CALCR: variants seen among roughly 807,000 people sequenced by gnomAD.
CALCR encodes the protein calcitonin receptor.
CALCR carries 47 observed loss-of-function variants against 59.5 expected under a neutral mutation model. The observed-to-expected ratio is 0.79, with a 90% CI of 0.63 to 1.01. The LOEUF is 1.01. Among genes scored for constraint, CALCR ranks in the 50% least tolerant of loss-of-function variants. CALCR has a pLI of 0.00. For missense variants in CALCR, 566 were observed against 597.1 expected, an observed-to-expected ratio of 0.95 and a Z score of 0.54; for synonymous variants, 213 against 211.3, an observed-to-expected ratio of 1.01 and a Z score of -0.07.
At chr7:93,525,324 CAG>C (rs1238674352) in intron 2 of CALCR, among the ~76,000 whole-genome samples, 1 of 152,076 alleles carries the variant, frequency 6.6e-6, no homozygotes, top group Admixed American at 6.6e-5. Context: ...ATTTTTTTGA[CAG>C]AGTCTGGCTT....
At chr7:93,496,521 C>G (rs141404365) in intron 2 of CALCR, among the ~76,000 whole-genome samples, 5 of 151,636 alleles carry the variant, frequency 3.3e-5, no homozygotes, top group African/African-American at 1.2e-4. Flanking sequence ...TCTCTTTCCC[C>G]TTCATGAAGC....
chr7:93,473,580 GCCC>G (rs368362442), intron 5 of CALCR, among the ~76,000 whole-genome samples: 11 of 139,698 alleles, frequency 7.9e-5, no homozygotes, highest in African/African-American at 1.3e-4. Flanking sequence ...CACTGGTTTG[GCCC>G]CCCCCCCTTT....
intron 11 of CALCR, among the ~76,000 whole-genome samples, chr7:93,436,428 T>C (rs1421205195): frequency 1.3e-5 from 2 of 152,184 alleles, no homozygotes; most frequent in Non-Finnish European, 2.9e-5. Context: ...ATGAACACTC[T>C]TTTTAATATG....
At chr7:93,465,914 T>C (rs1223893809) in intron 7 of CALCR, among the ~76,000 whole-genome samples, 1 of 151,110 alleles carries the variant, frequency 6.6e-6, no homozygotes, top group African/African-American at 2.5e-5. Context: ...TCAGTGACTT[T>C]AAATTTCTCT....
In CALCR at chr7:93,551,775, A is replaced by G. The variant is rs930205398; in HGVS notation, c.-27+22514T>C. Among the ~76,000 whole-genome samples the G allele has an allele frequency of 2.6e-5, 4 of 152,106 alleles. No individual in the cohort carries two copies. In the East Asian group the frequency reaches 5.8e-4, roughly 22 times the overall value. The stretch of plus-strand genomic sequence containing the variant: ...GACTGTAGGAGTCAAATTCTGCAGT[A>G]TTTTGCTTTATTTTACAGATAACAC... On this transcript the variant is annotated intron_variant, in intron 2 of 13. Transcript: ENST00000426151.
intron 13 of CALCR, among the ~76,000 whole-genome samples, chr7:93,432,338 C>T (rs924481426): frequency 4.6e-5 from 7 of 152,152 alleles, no homozygotes; most frequent in Non-Finnish European, 1.0e-4. Context: ...TTAGATGCAG[C>T]TGGAAATAAC....
At chr7:93,568,836 T>C (rs1403589098) in intron 2 of CALCR, among the ~76,000 whole-genome samples, 1 of 152,136 alleles carries the variant, frequency 6.6e-6, no homozygotes, top group African/African-American at 2.4e-5. Context: ...AATTTCTATA[T>C]GCACTTCTAC....
chr7:93,537,438 A>G (rs1485947928), intron 2 of CALCR, among the ~76,000 whole-genome samples: 1 of 151,694 alleles, frequency 6.6e-6, no homozygotes, highest in Admixed American at 6.6e-5. Context: ...ATGTCTCCCG[A>G]TGTTATTTTT....
intron 7 of CALCR, 84 bp downstream of exon 7, chr7:93,468,631 C>A: frequency 3.4e-6 from 3 of 888,844 alleles, no homozygotes. Flanking sequence ...AAGACCCTTC[C>A]CCACCTCCAC....
chr7:93,449,934 C>T (rs148687531), intron 8 of CALCR, among the ~76,000 whole-genome samples: 2 of 152,012 alleles, frequency 1.3e-5, no homozygotes, highest in African/African-American at 4.8e-5. Context: ...TTATCCCCTG[C>T]AGTCTTGGTC....
intron 2 of CALCR, among the ~76,000 whole-genome samples, chr7:93,552,639 T>C (rs1263334575): frequency 2.6e-5 from 4 of 152,184 alleles, no homozygotes; most frequent in Non-Finnish European, 5.9e-5. Context: ...CTGTAATTAC[T>C]CCTCTTTGGT....
At chr7:93,511,570 G>C (rs1801546745) in intron 2 of CALCR, among the ~76,000 whole-genome samples, 1 of 151,878 alleles carries the variant, frequency 6.6e-6, no homozygotes, top group Non-Finnish European at 1.5e-5. Context: ...AAAATTACTA[G>C]ATATGTGAAA....
intron 2 of CALCR, among the ~76,000 whole-genome samples, chr7:93,497,465 A>G (rs914357726): frequency 6.6e-6 from 1 of 151,546 alleles, no homozygotes; most frequent in Non-Finnish European, 1.5e-5. Flanking sequence ...TTCTCCTTTT[A>G]CACTTAGTTT....
At chr7:93,498,625 T>C (rs935417164) in intron 2 of CALCR, among the ~76,000 whole-genome samples, 1 of 151,644 alleles carries the variant, frequency 6.6e-6, no homozygotes, top group Non-Finnish European at 1.5e-5. Flanking sequence ...CAAACTTCGA[T>C]ATGTGAGAGA....
At chr7:93,478,670 T>C (rs1800725027) in intron 4 of CALCR, among the ~76,000 whole-genome samples, 2 of 150,530 alleles carry the variant, frequency 1.3e-5, no homozygotes, top group South Asian at 2.1e-4. Flanking sequence ...TAGTAAAAGA[T>C]CTTATTGAAT....
At chr7:93,542,715 A>G (rs1411006740) in intron 2 of CALCR, among the ~76,000 whole-genome samples, 5 of 150,546 alleles carry the variant, frequency 3.3e-5, no homozygotes, top group Non-Finnish European at 5.9e-5. Flanking sequence ...TTTCTTTTAT[A>G]AGATTTTTTA....
At chr7:93,511,133 T>C (rs1584596429) in intron 2 of CALCR, among the ~76,000 whole-genome samples, 1 of 152,026 alleles carries the variant, frequency 6.6e-6, no homozygotes, top group Non-Finnish European at 1.5e-5. Context: ...ATATATATGC[T>C]ATATCTATAT....
intron 2 of CALCR, among the ~76,000 whole-genome samples, chr7:93,499,573 G>A (rs1005296841): frequency 2.0e-5 from 3 of 151,816 alleles, no homozygotes; most frequent in Non-Finnish European, 4.4e-5. Flanking sequence ...AGAAAAAGCT[G>A]CAGTAAAAGG....
intron 2 of CALCR, among the ~76,000 whole-genome samples, chr7:93,558,074 T>A (rs1789651814): frequency 6.6e-6 from 1 of 151,850 alleles, no homozygotes; most frequent in African/African-American, 2.4e-5. Context: ...GACTAGGCAC[T>A]CAATATAGGT....
Sources: gnomAD v4.1 joint callset for allele counts (sites outside exome capture counted in the v4.1 genomes callset) on GRCh38, gnomAD v4.1.1 for gene constraint, MANE v1.5 for transcripts, NCBI Gene and HGNC (gene_info 2026-07-23, HGNC 2026-07-21) for gene names.